NACC1: variants seen among roughly 807,000 people sequenced by gnomAD.
The protein encoded by NACC1 is nucleus accumbens-associated protein 1.
NACC1 carries 6 observed loss-of-function variants against 41.7 expected under a neutral mutation model. The ratio of observed to expected loss-of-function variants is 0.14; its 90% CI spans 0.08 to 0.28. The LOEUF is 0.28. Ranked by LOEUF, NACC1 falls within the 10% of genes least tolerant of loss-of-function variation. The probability of loss-of-function intolerance (pLI) is 1.00; values close to 1 mark genes in which losing one functional copy is unlikely to be tolerated. For synonymous variants in NACC1, 338 were observed against 330.6 expected (o/e 1.02, Z -0.24); for missense variants, 434 against 763.7 (o/e 0.57, Z 5.09).
In NACC1 at chr19:13,135,832, C is replaced by A; in HGVS notation, c.625C>A (p.Pro209Thr). The change falls in exon 2 of 6, where the codon CCG becomes ACG. Residue 209 changes from proline (P) to threonine (T), a missense_variant. Pro to Thr is a conservative substitution (Grantham distance 38). Transcript: ENST00000292431. The part of the protein sequence containing the change: ...GSRKMAKFST[P>T]DLAANRPHQP... ...CCGCAAGATGGCCAAGTTCTCCACG[C>A]CGGACCTGGCTGCCAACCGGCCTCA... is the stretch of plus-strand genomic sequence containing the variant. 1 of 1,553,096 alleles carries A rather than the reference C, an allele frequency of 6.4e-7. No homozygotes were observed. The highest frequency in any genetic ancestry group is 8.7e-7 in the Non-Finnish European group (1 of 1,150,900).
At position 13,135,351 on chromosome 19, in the gene NACC1, T is replaced by G. The variant is rs1200260639; in HGVS notation, c.144T>G (p.Leu48=). ...GHAFKAHRAV[L]AASSSYFRDL... ...CCTTCAAGGCCCACCGGGCCGTGCT[T>G]GCTGCCAGCAGCTCCTACTTCCGGG... The change falls in exon 2 of 6, where the codon CTT becomes CTG. Residue 48 remains leucine (L), a synonymous_variant. Transcript: ENST00000292431. The G allele has an allele frequency of 2.5e-6, 4 of 1,613,548 alleles. No individual in the cohort carries two copies. The highest frequency in any genetic ancestry group is 4.5e-5 in the East Asian group (2 of 44,898).
Position 13,136,115 on chromosome 19 carries a change from T to G in NACC1, c.908T>G (p.Met303Arg). ...GAGCAGTACCGGCAGATCTGCAACA[T>G]GTACACCATGTACAGCATGATGAAC... ...MDEQYRQICN[M>R]YTMYSMMNVG... Residue 303 changes from methionine to arginine, a missense_variant, in exon 2 of 6, where the codon ATG becomes AGG. Transcript: ENST00000292431. The surrounding 1 kb of genome is among the most constrained non-coding windows in gnomAD (Gnocchi z 5.5). The G allele has an allele frequency of 6.2e-7, 1 of 1,613,806 alleles. No individual in the cohort carries two copies. The highest frequency in any genetic ancestry group is 8.5e-7 in the Non-Finnish European group (1 of 1,179,964).
In NACC1 at chr19:13,135,681, C is replaced by T; in HGVS notation, c.474C>T (p.Thr158=). 6.4e-7 allele frequency: 1 copy of T among 1,554,610 alleles called. No homozygotes were observed. The stretch of plus-strand genomic sequence containing the variant: ...CATCGGGCTGGCCAGCCTGTAGCAC[C>T]CCGCTGCCCCTCGTGTCGCGGGTGA... ...AQTSGWPACS[T]PLPLVSRVKT... Residue 158 remains threonine, a synonymous_variant, in exon 2 of 6, where the codon ACC becomes ACT. Coordinates refer to ENST00000292431, the MANE Select transcript of NACC1 (RefSeq NM_052876.4).
At position 13,136,475 on chromosome 19, in the gene NACC1, C is replaced by T; in HGVS notation, c.1120+70C>T. 1 of 1,521,060 alleles carries T rather than the reference C, an allele frequency of 6.6e-7. No homozygotes were observed. Among genetic ancestry groups the T allele is most frequent in the Non-Finnish European group, 8.8e-7 (1 of 1,134,418 alleles). The allele number at this position is 1,521,060 out of a possible 1,614,324, so 94.2% of individuals were successfully genotyped here. A position where few individuals can be genotyped will look rare whatever the true frequency, so the allele number is the denominator to read the frequency against. On this transcript the variant is annotated intron_variant, in intron 3 of 5. Coordinates refer to ENST00000292431, the MANE Select transcript of NACC1 (RefSeq NM_052876.4). The surrounding 1 kb of genome is among the most constrained non-coding windows in gnomAD (Gnocchi z 5.5). ...GCCGGCTGGCCTGGGCTGGGCTGGG[C>T]AGCTGGTTAGGAGCCCCCAGCACCT...
At chr19:13,126,723 G>A (rs1343719617) in intron 1 of NACC1, among the ~76,000 whole-genome samples, 2 of 152,172 alleles carry the variant, frequency 1.3e-5, no homozygotes, top group Non-Finnish European at 2.9e-5. Flanking sequence ...CCCAGCCACA[G>A]ATAATGCTTC....
chr19:13,124,203 C>A (rs1464413066), intron 1 of NACC1, among the ~76,000 whole-genome samples: 2 of 152,054 alleles, frequency 1.3e-5, no homozygotes, highest in Non-Finnish European at 2.9e-5. Context: ...GTTTTGAGAC[C>A]AGCCTGGCCA....
In NACC1 at chr19:13,140,629, GGGGGGTGGGGAGAAGGGTCGGGCA is replaced by G. The variant is rs1344894018; in HGVS notation, c.*2231_*2254del. On this transcript the variant is annotated 3_prime_UTR_variant, in exon 6 of 6. Coordinates refer to ENST00000292431, the MANE Select transcript of NACC1 (RefSeq NM_052876.4). The surrounding 1 kb of genome is among the most constrained non-coding windows in gnomAD (Gnocchi z 4.0). ...GGACTGTGTGTGGGTCCGGGGGGTGGGGGGGTGGGGAGAAGGGTCGGGCAGGGGGTGCAGGGGAGGAAACTCCTC... is the reference window on the plus strand; with the variant it reads ...GGACTGTGTGTGGGTCCGGGGGGTGGGGGGGTGCAGGGGAGGAAACTCCTC... The G allele has an allele frequency of 6.6e-6, 1 of 151,752 alleles. No individual in the cohort carries two copies. The highest frequency in any genetic ancestry group is 1.5e-5 in the Non-Finnish European group (1 of 67,876). The allele number at this position is 151,752 out of a possible 1,614,324, so 9.4% of individuals were successfully genotyped here.
chr19:13,134,749 T>C (rs2019677370), intron 1 of NACC1, among the ~76,000 whole-genome samples: 1 of 152,244 alleles, frequency 6.6e-6, no homozygotes, highest in Non-Finnish European at 1.5e-5. Flanking sequence ...CAGACTCTGC[T>C]GCACAGTCAG....
intron 1 of NACC1, among the ~76,000 whole-genome samples, chr19:13,123,586 G>A (rs924645949): frequency 6.6e-6 from 1 of 152,184 alleles, no homozygotes; most frequent in African/African-American, 2.4e-5. Context: ...CTTCCTTGGG[G>A]ATTAGAGAGA....
rs774517762 is a variant in NACC1 at position 13,135,732 on chromosome 19, C to T, written c.525C>T (p.Ser175=). The T allele has an allele frequency of 2.1e-5, 33 of 1,557,592 alleles. No individual in the cohort carries two copies. The South Asian group carries it at 2.7e-4, about 13-fold the overall frequency. The part of the protein sequence containing the change: ...RVKTEQQESD[S]VQCMPVAKRL... The stretch of plus-strand genomic sequence containing the variant: ...AGACGGAGCAGCAGGAGTCGGACTC[C>T]GTGCAGTGCATGCCCGTGGCCAAGC... Residue 175 remains serine (S), a synonymous_variant, in exon 2 of 6, where the codon TCC becomes TCT. Transcript: ENST00000292431.
Position 13,127,400 on chromosome 19 carries a change from T to TTTTTC in NACC1, c.-8-7800_-8-7799insTTTTC, listed in dbSNP as rs1245933408. Among the ~76,000 whole-genome samples the TTTTTC allele has an allele frequency of 1.7e-4, 17 of 100,870 alleles. 2 individuals are homozygous for TTTTTC. Among genetic ancestry groups the TTTTTC allele is most frequent in the African/African-American group, 6.3e-4 (16 of 25,596 alleles). The allele number at this position is 100,870 out of a possible 152,430, so 66.2% of individuals were successfully genotyped here. A position where few individuals can be genotyped will look rare whatever the true frequency, so the allele number is the denominator to read the frequency against. ...TTTTTTTTTTTTTTTTTTTTTTTTT[T>TTTTTC]CGGTTAACTGGATGGGCCGGGTGCC... is the stretch of plus-strand genomic sequence containing the variant. On this transcript the variant is annotated intron_variant, in intron 1 of 5. Coordinates refer to ENST00000292431, the MANE Select transcript of NACC1 (RefSeq NM_052876.4).
At chr19:13,130,151 A>C (rs2019616097) in intron 1 of NACC1, among the ~76,000 whole-genome samples, 1 of 152,058 alleles carries the variant, frequency 6.6e-6, no homozygotes, top group African/African-American at 2.4e-5. Flanking sequence ...ATCATCACTC[A>C]CTGCAGCCTC....
rs1310930922 is a variant in NACC1, at chr19:13,131,996, G to A, written c.-8-3204G>A. 2.0e-5 allele frequency: 3 copies of A among 152,132 alleles called. No individual in the cohort carries two copies. The East Asian group carries it at 5.8e-4, about 30-fold the overall frequency. The allele number at this position is 152,132 out of a possible 1,614,324, so 9.4% of individuals were successfully genotyped here. ...CTGCCTCAGCCTCCCGAGTAGCTGGGATTACAGGCACCGGCCACCACACCC... is the reference window on the plus strand; with the variant it reads ...CTGCCTCAGCCTCCCGAGTAGCTGGAATTACAGGCACCGGCCACCACACCC... On this transcript the variant is annotated intron_variant, in intron 1 of 5. Transcript: ENST00000292431.
Position 13,137,773 on chromosome 19 carries a change from C to CA in NACC1, c.1324+199dup, listed in dbSNP as rs1392548368. ...GGGGATGCACGTGCCGAAGGGAAGCCAGGGAGCCTGTGTCAGGCAGGAGGG... is the reference window on the plus strand; with the variant it reads ...GGGGATGCACGTGCCGAAGGGAAGCCAAGGGAGCCTGTGTCAGGCAGGAGGG... On this transcript the variant is annotated intron_variant, in intron 5 of 5. Coordinates refer to ENST00000292431, the MANE Select transcript of NACC1 (RefSeq NM_052876.4). The surrounding 1 kb of genome is among the most constrained non-coding windows in gnomAD (Gnocchi z 6.1). 6.6e-6 allele frequency among the ~76,000 whole-genome samples: 1 copy of CA among 152,124 alleles called. No individual in the cohort carries two copies.
rs1464500896 is a variant in NACC1 at position 13,140,937 on chromosome 19, C to T, written c.*2531C>T. ...CCCCTTCCCTGGCCGCCCACTCAAC[C>T]CACACCTCTTTCACGCAGGACAGGC... On this transcript the variant is annotated 3_prime_UTR_variant, in exon 6 of 6. Coordinates refer to ENST00000292431, the MANE Select transcript of NACC1 (RefSeq NM_052876.4). This position sits in a 1 kb window ranked among gnomAD's most constrained non-coding sequence, Gnocchi z 4.0. 1 of 152,550 alleles carries T rather than the reference C, an allele frequency of 6.6e-6. No homozygotes were observed. Among genetic ancestry groups the T allele is most frequent in the Non-Finnish European group, 1.5e-5 (1 of 68,056 alleles). 9.4% of individuals were successfully genotyped at this position (152,550 alleles called of 1,614,324 possible). A position where few individuals can be genotyped will look rare whatever the true frequency, so the allele number is the denominator to read the frequency against.
chr19:13,120,188 C>G (rs1205490527), intron 1 of NACC1, among the ~76,000 whole-genome samples: 1 of 152,108 alleles, frequency 6.6e-6, no homozygotes, highest in Non-Finnish European at 1.5e-5. Context: ...GGCCTGGTCA[C>G]CCCTTCTTCC....
chr19:13,117,787 C>CA (rs1030983901), upstream of NACC1, among the ~76,000 whole-genome samples: 2 of 152,108 alleles, frequency 1.3e-5, no homozygotes, highest in Non-Finnish European at 2.9e-5. Context: ...CTCCTGACCT[C>CA]AGGCGATCCA....
At chr19:13,126,828 G>C (rs1221970319) in intron 1 of NACC1, among the ~76,000 whole-genome samples, 1 of 152,040 alleles carries the variant, frequency 6.6e-6, no homozygotes, top group African/African-American at 2.4e-5. Flanking sequence ...TTTTTTCCAC[G>C]AAGGACTGTG....
chr19:13,127,815 C>G (rs2019584877), intron 1 of NACC1, among the ~76,000 whole-genome samples: 1 of 152,088 alleles, frequency 6.6e-6, no homozygotes, highest in African/African-American at 2.4e-5. Flanking sequence ...CCACTGTACT[C>G]CAGCCTGGGT....
Sources: allele counts gnomAD v4.1 joint callset (sites outside exome capture counted in the v4.1 genomes callset), GRCh38; gene constraint gnomAD v4.1.1; non-coding constraint Gnocchi (gnomAD v3.1); transcripts MANE v1.5; gene names NCBI Gene and HGNC (gene_info 2026-07-23, HGNC 2026-07-21).